The following VPS13B variants were observed in gnomAD, a reference collection of about 807,000 sequenced individuals.
VPS13B encodes the protein vacuolar protein sorting 13 homolog B, also known as intermembrane lipid transfer protein VPS13B.
VPS13B carries 285 observed loss-of-function variants against 426.4 expected under a neutral mutation model. The observed-to-expected ratio is 0.67, with a 90% CI of 0.61 to 0.74. The LOEUF is 0.74. Ranked by LOEUF, VPS13B falls within the 30% of genes least tolerant of loss-of-function variation. The pLI is 0.00. For synonymous variants in VPS13B, 1,676 were observed against 1,676.4 expected, an observed-to-expected ratio of 1.00 and a Z score of 0.01; for missense variants, 4,537 against 4,782.6, an observed-to-expected ratio of 0.95 and a Z score of 1.51.
chr8:99,020,370 G>C (rs140880650), intron 2 of VPS13B, among the ~76,000 whole-genome samples: 1 of 152,046 alleles, frequency 6.6e-6, no homozygotes, highest in Non-Finnish European at 1.5e-5. Context: ...AGTTCTTTAT[G>C]TATTGTGGAT....
intron 35 of VPS13B, among the ~76,000 whole-genome samples, chr8:99,665,328 T>C (rs1327175291): frequency 1.3e-5 from 2 of 152,162 alleles, no homozygotes; most frequent in Non-Finnish European, 2.9e-5. Flanking sequence ...TTTAATTAGA[T>C]CCCATTTGTC....
intron 35 of VPS13B, among the ~76,000 whole-genome samples, chr8:99,669,266 A>AT (rs34908236): frequency 0.23 from 35,155 of 151,478 alleles, 4,944 homozygotes; most frequent in East Asian, 0.45. Context: ...TTGAAATGCA[A>AT]TTTTTTTTTA....
intron 17 of VPS13B, among the ~76,000 whole-genome samples, chr8:99,210,951 G>A (rs183219667): frequency 1.3e-5 from 2 of 152,170 alleles, no homozygotes; most frequent in African/African-American, 4.8e-5. Flanking sequence ...TGGCGTTCTT[G>A]GGCTAGGAAA....
chr8:99,526,644 AT>A, intron 30 of VPS13B, among the ~76,000 whole-genome samples: 1 of 152,288 alleles, frequency 6.6e-6, no homozygotes, highest in East Asian at 1.9e-4. Flanking sequence ...CCGTAGGAAG[AT>A]TTGTTTTGGA....
chr8:99,702,019 T>G (rs1201374455), intron 36 of VPS13B, among the ~76,000 whole-genome samples: 1 of 152,184 alleles, frequency 6.6e-6, no homozygotes, highest in African/African-American at 2.4e-5. Flanking sequence ...AAGTTTTGAA[T>G]GTTAATTTCA....
chr8:99,755,366 T>C lies in VPS13B; in HGVS notation c.7051-11408T>C, dbSNP rs116492164. On this transcript the variant is annotated intron_variant, in intron 39 of 61. Transcript: ENST00000357162. The stretch of plus-strand genomic sequence containing the variant: ...GAGACTTCACTAACCAACTGGAGAC[T>C]TCACTAATCAATTGGAGACTTCAGT... Among the ~76,000 whole-genome samples the C allele has an allele frequency of 6.2e-4, 95 of 152,320 alleles. 2 individuals are homozygous for C. Among genetic ancestry groups the C allele is most frequent in the African/African-American group, 2.0e-3 (82 of 41,566 alleles).
At chr8:99,782,972 G>A (rs139122084) in intron 42 of VPS13B, among the ~76,000 whole-genome samples, 1 of 152,214 alleles carries the variant, frequency 6.6e-6, no homozygotes, top group African/African-American at 2.4e-5. Flanking sequence ...TGATGTGAGA[G>A]GGCTTAGAAG....
At chr8:99,370,919 T>C (rs959156029) in intron 19 of VPS13B, among the ~76,000 whole-genome samples, 3 of 152,188 alleles carry the variant, frequency 2.0e-5, no homozygotes, top group Non-Finnish European at 4.4e-5. Context: ...CTTAAGTTTT[T>C]ATTATAAAAG....
At chr8:99,702,381 A>T (rs145573296) in intron 36 of VPS13B, among the ~76,000 whole-genome samples, 31 of 152,302 alleles carry the variant, frequency 2.0e-4, no homozygotes, top group African/African-American at 7.5e-4. Context: ...ACTTTTCAGA[A>T]TTATTTGCTG....
chr8:99,343,339 A>C (rs1396576385), intron 19 of VPS13B, among the ~76,000 whole-genome samples: 2 of 151,130 alleles, frequency 1.3e-5, no homozygotes, highest in African/African-American at 4.9e-5. Flanking sequence ...TGATCCACCC[A>C]CCTCGGCCTC....
At chr8:99,800,998 A>G (rs1813093830) in intron 43 of VPS13B, among the ~76,000 whole-genome samples, 1 of 152,202 alleles carries the variant, frequency 6.6e-6, no homozygotes, top group Non-Finnish European at 1.5e-5. Context: ...TTTTAAAGCT[A>G]TGAAGAATAT....
At chr8:99,624,270 A>T (rs774618315) in intron 33 of VPS13B, among the ~76,000 whole-genome samples, 14 of 152,002 alleles carry the variant, frequency 9.2e-5, no homozygotes, top group Non-Finnish European at 1.9e-4. Flanking sequence ...AAAATAGTCC[A>T]TTCCTTGGAA....
chr8:99,039,523 G>A (rs1258190502), intron 3 of VPS13B, among the ~76,000 whole-genome samples: 2 of 149,238 alleles, frequency 1.3e-5, no homozygotes, highest in South Asian at 4.2e-4. Context: ...AGAGTAGTGT[G>A]TCTGTCATTC....
chr8:99,432,978 G>A (rs765082352), intron 22 of VPS13B, among the ~76,000 whole-genome samples: 1 of 152,170 alleles, frequency 6.6e-6, no homozygotes, highest in Non-Finnish European at 1.5e-5. Context: ...GGCAAGGAGA[G>A]ATATTCATTA....
At chr8:99,414,863 T>C (rs1353160885) in intron 21 of VPS13B, among the ~76,000 whole-genome samples, 1 of 152,180 alleles carries the variant, frequency 6.6e-6, no homozygotes, top group Non-Finnish European at 1.5e-5. Flanking sequence ...TTTTCCTTCA[T>C]TTCAACCATC....
chr8:99,741,075 G>A (rs1290276205), intron 39 of VPS13B, among the ~76,000 whole-genome samples: 1 of 152,110 alleles, frequency 6.6e-6, no homozygotes, highest in Non-Finnish European at 1.5e-5. Flanking sequence ...TATTCAGGAA[G>A]CCCATCTCAT....
At chr8:99,606,619 TTTTTC>T (rs1194798256) in intron 33 of VPS13B, among the ~76,000 whole-genome samples, 3 of 148,506 alleles carry the variant, frequency 2.0e-5, no homozygotes, top group Non-Finnish European at 3.0e-5. Flanking sequence ...TTTCTTTTTC[TTTTTC>T]TTTTCTTTTT....
At chr8:99,108,716 C>T (rs1007510982) in intron 5 of VPS13B, among the ~76,000 whole-genome samples, 1 of 151,988 alleles carries the variant, frequency 6.6e-6, no homozygotes, top group African/African-American at 2.4e-5. Flanking sequence ...AGTATGATGC[C>T]TCTAGCTGTG....
intron 51 of VPS13B, among the ~76,000 whole-genome samples, chr8:99,828,394 G>GTTTTTTTT (rs555108452): frequency 0.01 from 180 of 17,430 alleles, 33 homozygotes; most frequent in Middle Eastern, 0.056. Context: ...TACAACCACC[G>GTTTTTTTT]TTTTTTTTTT....
Sources: gnomAD v4.1 joint callset for allele counts (sites outside exome capture counted in the v4.1 genomes callset) on GRCh38, gnomAD v4.1.1 for gene constraint, MANE v1.5 for transcripts, NCBI Gene and HGNC (gene_info 2026-07-23, HGNC 2026-07-21) for gene names.